The following DNAJC5B variants were observed in gnomAD, a reference collection of about 807,000 sequenced individuals.
DNAJC5B encodes the protein DnaJ heat shock protein family (Hsp40) member C5 beta.
Under a neutral mutation model 24.7 loss-of-function variants are expected in DNAJC5B, and 23 were observed. The ratio of observed to expected loss-of-function variants is 0.93; its 90% CI spans 0.67 to 1.32. The LOEUF is 1.32. Ranked by LOEUF, DNAJC5B falls within the 40% of genes most tolerant of loss-of-function variation. The probability of loss-of-function intolerance (pLI) is 0.00; values close to 1 mark genes in which losing one functional copy is unlikely to be tolerated. For missense variants in DNAJC5B, 238 were observed against 240.8 expected (o/e 0.99, Z 0.08); for synonymous variants, 101 against 90.1 (o/e 1.12, Z -0.68).
intron 1 of DNAJC5B, among the ~76,000 whole-genome samples, chr8:66,037,186 G>A (rs1393733416): frequency 2.0e-5 from 3 of 152,218 alleles, no homozygotes; most frequent in Non-Finnish European, 4.4e-5. Flanking sequence ...TGGCAACAGG[G>A]ACCAGTTGAC....
At chr8:66,033,096 C>T (rs1264178512) in intron 1 of DNAJC5B, among the ~76,000 whole-genome samples, 1 of 152,254 alleles carries the variant, frequency 6.6e-6, no homozygotes, top group Admixed American at 6.5e-5. Flanking sequence ...TATCCCAGTC[C>T]AGTGCTTCTG....
At chr8:66,059,698 G>C (rs978292640) in intron 3 of DNAJC5B, among the ~76,000 whole-genome samples, 1 of 152,174 alleles carries the variant, frequency 6.6e-6, no homozygotes, top group Non-Finnish European at 1.5e-5. Context: ...CCAGGGCGTG[G>C]GAGGCAGTTC....
At chr8:66,055,795 A>T (rs1415241936) in intron 3 of DNAJC5B, among the ~76,000 whole-genome samples, 2 of 152,148 alleles carry the variant, frequency 1.3e-5, no homozygotes, top group Non-Finnish European at 2.9e-5. Flanking sequence ...TATAAAAATT[A>T]GCTGGGCGTG....
rs1808064283 is a variant in DNAJC5B at position 66,101,110 on chromosome 8, T to C, written c.*1079T>C. Reference sequence around the variant, plus strand: ...TGTTATGTTTTTATATAATATTGTATAAAATGCCTTTATCTTTTTTCTTGT... The same window carrying C: ...TGTTATGTTTTTATATAATATTGTACAAAATGCCTTTATCTTTTTTCTTGT... On this transcript the variant is annotated 3_prime_UTR_variant, in exon 6 of 6. Transcript: ENST00000276570. Among the ~76,000 whole-genome samples the C allele has an allele frequency of 6.6e-6, 1 of 152,234 alleles. No homozygotes were observed. The highest frequency in any genetic ancestry group is 1.5e-5 in the Non-Finnish European group (1 of 68,040).
chr8:66,066,745 A>G (rs13439818), intron 3 of DNAJC5B, among the ~76,000 whole-genome samples: 19,273 of 152,052 alleles, frequency 0.13, 2,481 homozygotes, highest in African/African-American at 0.33. Flanking sequence ...AAGGGGGTGA[A>G]GGATAAAAAA....
intron 1 of DNAJC5B, among the ~76,000 whole-genome samples, chr8:66,031,784 G>C (rs1463300650): frequency 6.6e-6 from 1 of 152,134 alleles, no homozygotes; most frequent in African/African-American, 2.4e-5. Context: ...AGGGTGGGGT[G>C]GGGGGCAGCA....
chr8:66,048,954 C>G (rs1199573345), intron 2 of DNAJC5B, among the ~76,000 whole-genome samples: 24 of 152,182 alleles, frequency 1.6e-4, no homozygotes, highest in Admixed American at 1.6e-3. Context: ...AAGCAGAATC[C>G]TGTCCTCTAT....
intron 5 of DNAJC5B, among the ~76,000 whole-genome samples, chr8:66,098,175 T>C (rs1455584165): frequency 6.6e-6 from 1 of 151,922 alleles, no homozygotes; most frequent in African/African-American, 2.4e-5. Context: ...TCTTTTGTTC[T>C]GCAATGTGAC....
intron 5 of DNAJC5B, among the ~76,000 whole-genome samples, chr8:66,099,735 A>G (rs1808031565): frequency 6.6e-6 from 1 of 152,226 alleles, no homozygotes; most frequent in Non-Finnish European, 1.5e-5. Flanking sequence ...TTGGTTTTAT[A>G]ATTCCATAAC....
intron 5 of DNAJC5B, among the ~76,000 whole-genome samples, chr8:66,082,281 A>G (rs1807613077): frequency 6.6e-6 from 1 of 151,914 alleles, no homozygotes; most frequent in African/African-American, 2.4e-5. Flanking sequence ...TTACAGTGGG[A>G]AAACCAAACC....
At chr8:66,040,621 A>G (rs1806587674) in intron 1 of DNAJC5B, among the ~76,000 whole-genome samples, 1 of 152,154 alleles carries the variant, frequency 6.6e-6, no homozygotes, top group Non-Finnish European at 1.5e-5. Context: ...TCTCTCTGAC[A>G]TGGGGTAAAC....
At chr8:66,015,009 T>C in the DNAJC5B span, among the ~76,000 whole-genome samples, 2 of 152,064 alleles carry the variant, frequency 1.3e-5, no homozygotes, top group Non-Finnish European at 2.9e-5. Flanking sequence ...AACGGCAAGA[T>C]CTCATGAGGA....
rs1806125552 is a variant in DNAJC5B at position 66,021,667 on chromosome 8, C to T, written c.-180C>T. The T allele has an allele frequency of 6.6e-6, 1 of 152,332 alleles. No individual in the cohort carries two copies. Among genetic ancestry groups the T allele is most frequent in the Non-Finnish European group, 1.5e-5 (1 of 68,140 alleles). 9.4% of individuals were successfully genotyped at this position (152,332 alleles called of 1,614,324 possible). A position where few individuals can be genotyped will look rare whatever the true frequency, so the allele number is the denominator to read the frequency against. The stretch of plus-strand genomic sequence containing the variant: ...TGGCATTGCTAAGCTCAGAACAGGA[C>T]TTGCCAGTGTCTAGATGAAAAAGAG... On this transcript the variant is annotated 5_prime_UTR_variant, in exon 1 of 6. Coordinates refer to ENST00000276570, the MANE Select transcript of DNAJC5B (RefSeq NM_033105.6).
intron 1 of DNAJC5B, among the ~76,000 whole-genome samples, chr8:66,041,042 C>T (rs541185549): frequency 4.3e-4 from 66 of 151,996 alleles, no homozygotes; most frequent in African/African-American, 1.5e-3. Context: ...GTGGTAGTGA[C>T]GGCTTTTTCA....
chr8:66,041,723 G>GT (rs1192789136), intron 1 of DNAJC5B, among the ~76,000 whole-genome samples: 1 of 152,146 alleles, frequency 6.6e-6, no homozygotes, highest in African/African-American at 2.4e-5. Flanking sequence ...CTTACCATGA[G>GT]TTATTTCCTT....
intron 3 of DNAJC5B, among the ~76,000 whole-genome samples, chr8:66,055,708 G>A (rs1210547774): frequency 6.6e-6 from 1 of 152,162 alleles, no homozygotes; most frequent in African/African-American, 2.4e-5. Context: ...GGAGGTCAAG[G>A]CGGGTGGATG....
upstream of DNAJC5B, among the ~76,000 whole-genome samples, chr8:66,020,864 C>T (rs1187087625): frequency 6.6e-6 from 1 of 152,140 alleles, no homozygotes; most frequent in African/African-American, 2.4e-5. Flanking sequence ...TCTCAAACTC[C>T]TGGGCTCAAG....
chr8:66,076,393 A>G (rs1807461773), intron 3 of DNAJC5B, among the ~76,000 whole-genome samples: 1 of 152,230 alleles, frequency 6.6e-6, no homozygotes, highest in Non-Finnish European at 1.5e-5. Context: ...TGCCAACAAC[A>G]AATGTCTCTC....
At chr8:66,033,770 CTTTTTTTTTTTTT>C (rs765814272) in intron 1 of DNAJC5B, among the ~76,000 whole-genome samples, 5 of 105,392 alleles carry the variant, frequency 4.7e-5, no homozygotes, top group Non-Finnish European at 9.2e-5. Context: ...GATCATTCCG[CTTTTTTTTTTTTT>C]TTTTTTTTTT....
Sources: allele counts gnomAD v4.1 joint callset (sites outside exome capture counted in the v4.1 genomes callset), GRCh38; gene constraint gnomAD v4.1.1; transcripts MANE v1.5; gene names NCBI Gene and HGNC (gene_info 2026-07-23, HGNC 2026-07-21).